The following CSMD3 variants were observed in gnomAD, a reference collection of about 807,000 sequenced individuals.
The protein encoded by CSMD3 is CUB and Sushi multiple domains 3.
CSMD3 carries 177 observed loss-of-function variants against 435.2 expected under a neutral mutation model. The ratio of observed to expected loss-of-function variants is 0.41; its 90% CI spans 0.36 to 0.46. CSMD3 has a LOEUF of 0.46. CSMD3 is among the 20% of genes least tolerant of loss of function. The probability of loss-of-function intolerance (pLI) is 0.34; values close to 1 mark genes in which losing one functional copy is unlikely to be tolerated. For missense variants in CSMD3, 4,265 were observed against 4,504.6 expected (o/e 0.95, Z 1.52); for synonymous variants, 1,656 against 1,520.5 (o/e 1.09, Z -2.07).
At chr8:112,907,825 T>TAATG (rs2082304071) in intron 10 of CSMD3, among the ~76,000 whole-genome samples, 1 of 151,550 alleles carries the variant, frequency 6.6e-6, no homozygotes, top group South Asian at 2.1e-4. Flanking sequence ...ATAGAAAAAG[T>TAATG]AATGTTTTAA....
intron 1 of CSMD3, among the ~76,000 whole-genome samples, chr8:113,389,623 G>A (rs190142174): frequency 6.6e-6 from 1 of 151,792 alleles, no homozygotes; most frequent in East Asian, 1.9e-4. Context: ...TATGTAACTT[G>A]CCCAAGGACA....
intron 1 of CSMD3, among the ~76,000 whole-genome samples, chr8:113,318,625 C>T (rs1336290240): frequency 2.6e-5 from 4 of 151,996 alleles, no homozygotes; most frequent in Non-Finnish European, 5.9e-5. Flanking sequence ...ATTGCCTATG[C>T]GTGTGTACTT....
intron 42 of CSMD3, among the ~76,000 whole-genome samples, chr8:112,339,253 T>C (rs1033955667): frequency 1.3e-5 from 2 of 151,894 alleles, no homozygotes; most frequent in African/African-American, 2.4e-5. Context: ...CAAAAAGCAA[T>C]TGGTTGCTTT....
At chr8:112,976,189 T>A (rs1344561962) in intron 6 of CSMD3, 41 bp from the exon 7 acceptor site, 1 of 1,602,338 alleles carries the variant, frequency 6.2e-7, no homozygotes, top group East Asian at 2.2e-5. Flanking sequence ...TTTTTCTTTT[T>A]AAATTTTGTT....
intron 4 of CSMD3, among the ~76,000 whole-genome samples, chr8:113,151,677 A>G (rs2091808730): frequency 6.6e-6 from 1 of 152,030 alleles, no homozygotes; most frequent in African/African-American, 2.4e-5. Flanking sequence ...ATATTTTGAC[A>G]GAGTATTGAC....
chr8:112,859,111 CTT>C, intron 11 of CSMD3, 32 bp downstream of exon 11: 2 of 1,566,422 alleles, frequency 1.3e-6, no homozygotes, highest in Non-Finnish European at 8.8e-7. Context: ...ATGATTATGA[CTT>C]TTTTTTTAAA....
chr8:112,739,312 A>C (rs1485126236), intron 13 of CSMD3, among the ~76,000 whole-genome samples: 4 of 151,706 alleles, frequency 2.6e-5, no homozygotes, highest in African/African-American at 4.8e-5. Flanking sequence ...CTATTCTTCC[A>C]TAAGAAATGC....
chr8:113,368,775 T>A (rs2094329339), intron 1 of CSMD3, among the ~76,000 whole-genome samples: 1 of 152,144 alleles, frequency 6.6e-6, no homozygotes, highest in African/African-American at 2.4e-5. Context: ...ATATCATTTA[T>A]AATTTTCTGT....
At chr8:112,686,075 A>C (rs951203070) in intron 14 of CSMD3, among the ~76,000 whole-genome samples, 1 of 152,202 alleles carries the variant, frequency 6.6e-6, no homozygotes, top group African/African-American at 2.4e-5. Context: ...GAAAGCAATA[A>C]GGTTCTTGAA....
At chr8:112,296,557 A>C (rs931886790) in intron 53 of CSMD3, among the ~76,000 whole-genome samples, 4 of 140,874 alleles carry the variant, frequency 2.8e-5, no homozygotes, top group African/African-American at 6.0e-5. Context: ...CTCAAAAAAA[A>C]AATAAATAAA....
chr8:113,375,816 A>C (rs7843570), intron 1 of CSMD3, among the ~76,000 whole-genome samples: 49,236 of 151,978 alleles, frequency 0.32, 9,874 homozygotes, highest in Non-Finnish European at 0.47. Flanking sequence ...ATGAAGTAAG[A>C]GCAAGCCAGG....
intron 8 of CSMD3, among the ~76,000 whole-genome samples, chr8:112,950,519 A>G (rs1025832383): frequency 6.6e-6 from 1 of 152,024 alleles, no homozygotes; most frequent in Non-Finnish European, 1.5e-5. Context: ...TTAAACTAAA[A>G]TTTTGTTAAA....
Position 112,390,721 on chromosome 8 carries a change from A to C in CSMD3, c.5877T>G (p.Tyr1959Ter), listed in dbSNP as rs1338884127. 4 of 1,613,068 alleles carry C rather than the reference A, an allele frequency of 2.5e-6. No homozygotes were observed. ...TCCACACACAATTCAGATTGTTGTCATAAGGCTCAGGGTATCCAGGTGACA... is the reference window on the plus strand; with the variant it reads ...TCCACACACAATTCAGATTGTTGTCCTAAGGCTCAGGGTATCCAGGTGACA... ...TILSPGYPEP[Y>*]DNNLNCVWKI... The change falls in exon 36 of 71, where the codon TAT (tyrosine) becomes TAG (stop). Residue 1959 changes from tyrosine (Y) to a stop codon, truncating the protein, a stop_gained. Coordinates refer to ENST00000297405, the MANE Select transcript of CSMD3 (RefSeq NM_198123.2). LOFTEE classifies it high-confidence loss of function.
intron 69 of CSMD3, among the ~76,000 whole-genome samples, chr8:112,229,549 C>T (rs1812892847): frequency 6.6e-6 from 1 of 152,144 alleles, no homozygotes; most frequent in African/African-American, 2.4e-5. Flanking sequence ...CTGCCTCAGC[C>T]TCCCAAGTAG....
At chr8:112,635,066 ATAATG>A in intron 22 of CSMD3, among the ~76,000 whole-genome samples, 1 of 152,058 alleles carries the variant, frequency 6.6e-6, no homozygotes, top group South Asian at 2.1e-4. Context: ...GCAGGTCCTT[ATAATG>A]TTAGCGTTTT....
intron 32 of CSMD3, among the ~76,000 whole-genome samples, chr8:112,423,769 T>A (rs1269124434): frequency 6.6e-6 from 1 of 152,192 alleles, no homozygotes; most frequent in Admixed American, 6.5e-5. Context: ...GGTGCACATG[T>A]AAAACTAATT....
intron 4 of CSMD3, among the ~76,000 whole-genome samples, chr8:113,101,009 C>T (rs1000288172): frequency 1.3e-5 from 2 of 152,048 alleles, no homozygotes; most frequent in African/African-American, 4.8e-5. Context: ...CTCTATGAGC[C>T]TCCTGGGGTT....
At chr8:113,095,872 T>G (rs1344199743) in intron 5 of CSMD3, among the ~76,000 whole-genome samples, 1 of 152,040 alleles carries the variant, frequency 6.6e-6, no homozygotes, top group East Asian at 1.9e-4. Flanking sequence ...TAATCAGGGG[T>G]GGTCCTGGAA....
chr8:113,261,966 C>A (rs529691496), intron 3 of CSMD3, among the ~76,000 whole-genome samples: 2 of 152,100 alleles, frequency 1.3e-5, no homozygotes, highest in South Asian at 2.1e-4. Context: ...TTATATTTTC[C>A]ACTTCACATT....
Sources: gnomAD v4.1 joint callset for allele counts (sites outside exome capture counted in the v4.1 genomes callset) on GRCh38, gnomAD v4.1.1 for gene constraint, MANE v1.5 for transcripts, NCBI Gene and HGNC (gene_info 2026-07-23, HGNC 2026-07-21) for gene names.